Variants in NPAS3 observed in about 807,000 individuals in gnomAD.
NPAS3 encodes neuronal PAS domain protein 3.
A neutral mutation model predicts 73.1 loss-of-function variants in NPAS3; 14 were observed. The ratio of observed to expected loss-of-function variants is 0.19; its 90% CI spans 0.13 to 0.30. The LOEUF (loss-of-function observed/expected upper bound fraction) is 0.30. Among genes scored for constraint, NPAS3 ranks in the 10% least tolerant of loss-of-function variants. The pLI is 1.00. For missense variants in NPAS3, 1,096 were observed against 1,250.0 expected, an observed-to-expected ratio of 0.88 and a Z score of 1.86; for synonymous variants, 620 against 541.5, an observed-to-expected ratio of 1.14 and a Z score of -2.01.
intron 2 of NPAS3, among the ~76,000 whole-genome samples, chr14:33,058,466 G>A (rs1399204895): frequency 6.6e-6 from 1 of 151,970 alleles, no homozygotes; most frequent in Admixed American, 6.6e-5. Context: ...AATCTCCTTG[G>A]GCCTCAGTAA....
chr14:33,299,361 A>G (rs1357930365), intron 3 of NPAS3, among the ~76,000 whole-genome samples: 1 of 152,146 alleles, frequency 6.6e-6, no homozygotes, highest in African/African-American at 2.4e-5. Context: ...TTAGCAATGG[A>G]CATCTGAGTC....
intron 2 of NPAS3, among the ~76,000 whole-genome samples, chr14:33,195,330 G>A (rs2046314827): frequency 6.6e-6 from 1 of 151,948 alleles, no homozygotes; most frequent in African/African-American, 2.4e-5. Context: ...GAGTGCCGTG[G>A]CGCAGTCTTG....
chr14:33,439,049 A>C (rs2049116492), intron 4 of NPAS3, among the ~76,000 whole-genome samples: 1 of 152,150 alleles, frequency 6.6e-6, no homozygotes, highest in Non-Finnish European at 1.5e-5. Context: ...AACTTACCCA[A>C]ATTAACAAAG....
chr14:33,720,076 ATTG>A (rs2061064622), intron 6 of NPAS3, among the ~76,000 whole-genome samples: 1 of 152,310 alleles, frequency 6.6e-6, no homozygotes, highest in Admixed American at 6.5e-5. Context: ...CAATAATAAT[ATTG>A]TTATTACCAA....
chr14:33,532,551 A>G (rs1043330732), intron 4 of NPAS3, among the ~76,000 whole-genome samples: 2 of 152,078 alleles, frequency 1.3e-5, no homozygotes, highest in African/African-American at 4.8e-5. Flanking sequence ...CCAAGCTCAT[A>G]GGGCTCATAA....
chr14:33,509,105 T>C (rs1362519538), intron 4 of NPAS3, among the ~76,000 whole-genome samples: 2 of 151,894 alleles, frequency 1.3e-5, no homozygotes, highest in Non-Finnish European at 2.9e-5. Flanking sequence ...AGTAAGAGGA[T>C]TCAATAGTCT....
intron 4 of NPAS3, among the ~76,000 whole-genome samples, chr14:33,533,346 G>A (rs1255244206): frequency 5.3e-5 from 8 of 152,078 alleles, no homozygotes; most frequent in Non-Finnish European, 7.4e-5. Context: ...CAAAAGATAC[G>A]AATGGAAATG....
At chr14:33,407,180 G>A (rs2047704789) in intron 4 of NPAS3, among the ~76,000 whole-genome samples, 1 of 152,132 alleles carries the variant, frequency 6.6e-6, no homozygotes, top group Admixed American at 6.6e-5. Context: ...TGGGTGATCT[G>A]TGTGCCAGCC....
chr14:33,661,339 G>A (rs2059302417), intron 5 of NPAS3, among the ~76,000 whole-genome samples: 1 of 152,178 alleles, frequency 6.6e-6, no homozygotes, highest in South Asian at 2.1e-4. Context: ...GAGGGCAGAG[G>A]AAGTTATTAT....
intron 2 of NPAS3, among the ~76,000 whole-genome samples, chr14:33,166,315 A>T (rs2045145905): frequency 6.6e-6 from 1 of 152,146 alleles, no homozygotes; most frequent in South Asian, 2.1e-4. Context: ...AGCAGCAGAG[A>T]TTGCATCCTT....
chr14:33,581,515 G>A (rs1476893695), intron 5 of NPAS3, among the ~76,000 whole-genome samples: 1 of 152,128 alleles, frequency 6.6e-6, no homozygotes, highest in African/African-American at 2.4e-5. Flanking sequence ...ATATTTACAT[G>A]TTTGTTTTAT....
chr14:33,488,371 T>C (rs1227553943), intron 4 of NPAS3, among the ~76,000 whole-genome samples: 1 of 151,874 alleles, frequency 6.6e-6, no homozygotes, highest in African/African-American at 2.4e-5. Flanking sequence ...GAGTTTTATG[T>C]ACAATGGAAA....
At chr14:33,550,805 G>A (rs2055074498) in intron 4 of NPAS3, among the ~76,000 whole-genome samples, 1 of 152,144 alleles carries the variant, frequency 6.6e-6, no homozygotes, top group South Asian at 2.1e-4. Flanking sequence ...AGGCAGTGAA[G>A]CAACATAGCC....
rs569726722 is a variant in NPAS3, at chr14:33,387,101, C to T, written c.468+19833C>T. On this transcript the variant is annotated intron_variant, in intron 4 of 11. Transcript: ENST00000356141. ...GACCAGGACTTTAAGTCACCTACCT[C>T]TCAAGTTAGGACAGGGGCCTTCATA... is the stretch of plus-strand genomic sequence containing the variant. Among the ~76,000 whole-genome samples, 7 of 152,276 alleles carry T rather than the reference C, an allele frequency of 4.6e-5. No homozygotes were observed. The South Asian group carries it at 1.0e-3, about 23-fold the overall frequency.
rs376645008 is a variant in NPAS3 at position 33,059,943 on chromosome 14, G to A, written c.140+3949G>A. Among the ~76,000 whole-genome samples, 7 of 151,980 alleles carry A rather than the reference G, an allele frequency of 4.6e-5. No individual in the cohort carries two copies. In the South Asian group the frequency reaches 6.2e-4, roughly 13 times the overall value. On this transcript the variant is annotated intron_variant, in intron 2 of 11. Transcript: ENST00000356141. ...CTACAGGTGCATGCCCCCATGTCTG[G>A]CTTTTTTGTTTTGTTTTTAGTAGAG...
At chr14:32,998,230 T>G (rs1360118755) in intron 1 of NPAS3, among the ~76,000 whole-genome samples, 2 of 152,188 alleles carry the variant, frequency 1.3e-5, no homozygotes, top group African/African-American at 4.8e-5. Context: ...CATGTACCAG[T>G]GTGGATGAAC....
intron 5 of NPAS3, among the ~76,000 whole-genome samples, chr14:33,584,776 G>T (rs532636194): frequency 2.6e-5 from 4 of 152,260 alleles, no homozygotes; most frequent in African/African-American, 7.2e-5. Context: ...AATAGTGTTA[G>T]AGCACAGCCC....
intron 2 of NPAS3, among the ~76,000 whole-genome samples, chr14:33,102,416 A>G (rs1174833963): frequency 6.6e-6 from 1 of 152,182 alleles, no homozygotes; most frequent in African/African-American, 2.4e-5. Flanking sequence ...TGTGGCTGTG[A>G]GATCTTTGCT....
At chr14:33,574,964 A>G (rs1247322021) in intron 5 of NPAS3, among the ~76,000 whole-genome samples, 1 of 109,332 alleles carries the variant, frequency 9.1e-6, no homozygotes, top group East Asian at 2.7e-4. Context: ...GTCCATGCAC[A>G]CAGTGGTGCA....
Sources: gnomAD v4.1 joint callset for allele counts (sites outside exome capture counted in the v4.1 genomes callset) on GRCh38, gnomAD v4.1.1 for gene constraint, MANE v1.5 for transcripts, NCBI Gene and HGNC (gene_info 2026-07-23, HGNC 2026-07-21) for gene names.